Variants in USH2A observed in about 807,000 individuals in gnomAD.
The protein encoded by USH2A is Usher syndrome 2A (autosomal recessive, mild).
In USH2A, 443 loss-of-function variants were observed where a neutral mutation model predicts 538.9. The observed-to-expected ratio is 0.82, with a 90% confidence interval of 0.76 to 0.89. USH2A has a LOEUF of 0.89. Among genes scored for constraint, USH2A ranks in the 40% least tolerant of loss-of-function variants. The pLI, the probability that USH2A is intolerant of heterozygous loss-of-function variation, is 0.00. For synonymous variants in USH2A, 2,413 were observed against 2,273.5 expected (o/e 1.06, Z -1.75); for missense variants, 6,633 against 6,324.8 (o/e 1.05, Z -1.65).
At position 215,759,703 on chromosome 1, in the gene USH2A, C is replaced by T. The variant is rs756852382; in HGVS notation, c.11188G>A (p.Glu3730Lys). 11 of 1,613,942 alleles carry T rather than the reference C, an allele frequency of 6.8e-6. No homozygotes were observed. Among genetic ancestry groups the T allele is most frequent in the Non-Finnish European group, 9.3e-6 (11 of 1,179,950 alleles). The change falls in exon 57 of 72, where the codon GAG (glutamate) becomes AAG (lysine). Residue 3730 changes from glutamate to lysine, a missense_variant. Transcript: ENST00000307340. ...NGNLLFLGGS[E>K]EQNFTDKNLE... ...TTTTTATCAGTGAAATTCTGCTCCT[C>T]ACTGCCACCCAGGAAAAGCAAGTTT...
intron 32 of USH2A, among the ~76,000 whole-genome samples, chr1:216,018,134 T>C (rs1668761068): frequency 6.6e-6 from 1 of 152,204 alleles, no homozygotes; most frequent in Non-Finnish European, 1.5e-5. Context: ...ATTGGGTACA[T>C]TCTTAATTAC....
At chr1:216,149,195 C>A (rs1285926146) in intron 21 of USH2A, among the ~76,000 whole-genome samples, 1 of 152,154 alleles carries the variant, frequency 6.6e-6, no homozygotes, top group East Asian at 1.9e-4. Context: ...CTGTGTGCAG[C>A]GGCTGCCGCT....
At chr1:215,755,230 C>T (rs752029662) in intron 58 of USH2A, among the ~76,000 whole-genome samples, 1 of 152,164 alleles carries the variant, frequency 6.6e-6, no homozygotes, top group Non-Finnish European at 1.5e-5. Flanking sequence ...TGTCTTTACA[C>T]AAGCTTCCTA....
In USH2A at chr1:216,407,925, TAA is replaced by T. The variant is rs879900125; in HGVS notation, c.651+10587_651+10588del. On this transcript the variant is annotated intron_variant, in intron 3 of 71. Transcript: ENST00000307340. ...TGGCATTTTCAAGACTAGAGATTGT[TAA>T]AAAAAAAAAAATCAGTGGACATTGG... Among the ~76,000 whole-genome samples the T allele has an allele frequency of 2.7e-3, 395 of 145,644 alleles. 3 individuals are homozygous for T. The highest frequency in any genetic ancestry group is 9.5e-3 in the African/African-American group (381 of 40,194).
At chr1:215,717,176 A>G (rs543424551) in intron 61 of USH2A, among the ~76,000 whole-genome samples, 1 of 152,196 alleles carries the variant, frequency 6.6e-6, no homozygotes, top group Non-Finnish European at 1.5e-5. Flanking sequence ...GCTCTTAGAC[A>G]ACAAGTAGAA....
intron 58 of USH2A, among the ~76,000 whole-genome samples, chr1:215,750,081 C>T (rs1035856507): frequency 3.9e-5 from 6 of 151,992 alleles, no homozygotes; most frequent in Admixed American, 2.6e-4. Flanking sequence ...GGAGCTGGAA[C>T]AGGAAAAATT....
intron 40 of USH2A, among the ~76,000 whole-genome samples, chr1:215,895,129 C>G (rs1447109745): frequency 2.0e-5 from 3 of 152,150 alleles, no homozygotes; most frequent in Non-Finnish European, 4.4e-5. Context: ...TCCATCCTTG[C>G]AACTTTCATA....
chr1:215,675,479 C>A lies in USH2A; in HGVS notation c.12432G>T (p.Ala4144=), dbSNP rs773192157. 1 of 1,614,058 alleles carries A rather than the reference C, an allele frequency of 6.2e-7. No individual in the cohort carries two copies. Among genetic ancestry groups the A allele is most frequent in the Non-Finnish European group, 8.5e-7 (1 of 1,179,988 alleles). Residue 4144 remains alanine, a synonymous_variant, in exon 63 of 72, where the codon GCG becomes GCT. Transcript: ENST00000307340. The part of the protein sequence containing the change: ...ACTRAGCAHS[A]PQPLWTDEAP... Reference sequence around the variant, plus strand: ...CTTCATCTGTCCACAGAGGCTGAGGCGCCGAGTGTGCACAACCTGCTCTGG... The same window carrying A: ...CTTCATCTGTCCACAGAGGCTGAGGAGCCGAGTGTGCACAACCTGCTCTGG...
intron 35 of USH2A, among the ~76,000 whole-genome samples, chr1:215,979,140 A>T (rs1667690326): frequency 6.6e-6 from 1 of 152,164 alleles, no homozygotes; most frequent in South Asian, 2.1e-4. Context: ...AGCAGGTAAG[A>T]CAGCTTTTGC....
rs114637427 is a variant in USH2A at position 215,893,982 on chromosome 1, A to G, written c.7595-4928T>C. On this transcript the variant is annotated intron_variant, in intron 40 of 71. Coordinates refer to ENST00000307340, the MANE Select transcript of USH2A (RefSeq NM_206933.4). The stretch of plus-strand genomic sequence containing the variant: ...AAATCTATGCAACAGAAAACAAAGT[A>G]TGTAGTGAAAACATGCAGAACCATT... Among the ~76,000 whole-genome samples the G allele has an allele frequency of 8.4e-3, 1,285 of 152,320 alleles. 22 individuals carry two copies. Among genetic ancestry groups the G allele is most frequent in the African/African-American group, 0.029 (1,223 of 41,582 alleles).
At chr1:216,100,512 T>C (rs1266443728) in intron 21 of USH2A, among the ~76,000 whole-genome samples, 1 of 152,216 alleles carries the variant, frequency 6.6e-6, no homozygotes, top group Non-Finnish European at 1.5e-5. Context: ...TTTTATGTGA[T>C]ATTTGGTATC....
intron 3 of USH2A, among the ~76,000 whole-genome samples, chr1:216,398,016 G>A (rs1469242158): frequency 6.6e-6 from 1 of 152,212 alleles, no homozygotes; most frequent in Non-Finnish European, 1.5e-5. Context: ...TATTTGACAA[G>A]CATATCTTCT....
intron 70 of USH2A, among the ~76,000 whole-genome samples, chr1:215,633,064 T>TATG (rs1435355362): frequency 8.5e-5 from 13 of 152,140 alleles, no homozygotes; most frequent in African/African-American, 3.1e-4. Context: ...GACTTAGTGT[T>TATG]ATGTGGTAAA....
intron 38 of USH2A, among the ~76,000 whole-genome samples, chr1:215,910,610 C>T (rs1228283123): frequency 1.3e-5 from 2 of 151,994 alleles, no homozygotes; most frequent in Admixed American, 1.3e-4. Flanking sequence ...CTTTATCTTA[C>T]CCCCAATGTC....
chr1:215,957,546 A>T (rs1667099914), intron 37 of USH2A, among the ~76,000 whole-genome samples: 2 of 152,140 alleles, frequency 1.3e-5, no homozygotes, highest in Non-Finnish European at 2.9e-5. Context: ...TTTAAATGAG[A>T]TAAAGCTGTA....
intron 3 of USH2A, among the ~76,000 whole-genome samples, chr1:216,382,765 C>T (rs567967650): frequency 7.2e-5 from 11 of 152,074 alleles, no homozygotes; most frequent in Non-Finnish European, 1.5e-4. Flanking sequence ...GAAGAAAAGC[C>T]CTTGGAAATA....
intron 34 of USH2A, among the ~76,000 whole-genome samples, chr1:215,993,793 C>T (rs191226129): frequency 6.6e-6 from 1 of 152,194 alleles, no homozygotes; most frequent in African/African-American, 2.4e-5. Context: ...ACTTATGTGT[C>T]AGAGTAGATA....
chr1:215,776,994 G>T (rs538554623), intron 55 of USH2A, among the ~76,000 whole-genome samples: 1 of 152,186 alleles, frequency 6.6e-6, no homozygotes, highest in Non-Finnish European at 1.5e-5. Context: ...CCTCTTTAGG[G>T]CTGTATTGGG....
At chr1:215,881,299 C>A (rs577965603) in intron 41 of USH2A, among the ~76,000 whole-genome samples, 1 of 152,100 alleles carries the variant, frequency 6.6e-6, no homozygotes, top group East Asian at 1.9e-4. Flanking sequence ...TGCTACCACA[C>A]CCGGCTAATT....
Sources: allele counts gnomAD v4.1 joint callset (sites outside exome capture counted in the v4.1 genomes callset), GRCh38; gene constraint gnomAD v4.1.1; transcripts MANE v1.5; gene names NCBI Gene and HGNC (gene_info 2026-07-23, HGNC 2026-07-21).